RNF114: variants seen among roughly 807,000 people sequenced by gnomAD.
The protein encoded by RNF114 is E3 ubiquitin-protein ligase RNF114.
RNF114 carries 6 observed loss-of-function variants against 28.4 expected under a neutral mutation model. The ratio of observed to expected loss-of-function variants is 0.21; its 90% confidence interval spans 0.12 to 0.42. RNF114 has a LOEUF of 0.42. Among genes scored for constraint, RNF114 ranks in the 10% least tolerant of loss-of-function variants. RNF114 has a pLI of 1.00. For synonymous variants in RNF114, 115 were observed against 116.7 expected, an observed-to-expected ratio of 0.99 and a Z score of 0.09; for missense variants, 249 against 311.7, an observed-to-expected ratio of 0.80 and a Z score of 1.51.
At chr20:49,936,652 C>A in intron 1 of RNF114, 100 bp downstream of exon 1, 3 of 1,414,578 alleles carry the variant, frequency 2.1e-6, no homozygotes, top group African/African-American at 3.0e-5. Flanking sequence ...GAGGACCCAC[C>A]CAGAGGGGCC....
At chr20:49,948,551 C>T (rs1227062386) in intron 4 of RNF114, among the ~76,000 whole-genome samples, 1 of 151,688 alleles carries the variant, frequency 6.6e-6, no homozygotes, top group Non-Finnish European at 1.5e-5. Flanking sequence ...GATTCTCATG[C>T]CTCAGCCTCT....
intron 1 of RNF114, 96 bp downstream of exon 1, chr20:49,936,648 C>A (rs2090287782): frequency 1.4e-6 from 2 of 1,460,468 alleles, no homozygotes; most frequent in Non-Finnish European, 1.8e-6. Flanking sequence ...GCCAGAGGAC[C>A]CACCCAGAGG....
At chr20:49,937,256 G>A (rs774169482) in intron 1 of RNF114, among the ~76,000 whole-genome samples, 2 of 152,204 alleles carry the variant, frequency 1.3e-5, no homozygotes, top group Non-Finnish European at 2.9e-5. Context: ...TTCGAGGTTG[G>A]TCAGGTTGGT....
At chr20:49,947,878 G>A (rs962909219) in intron 4 of RNF114, among the ~76,000 whole-genome samples, 1 of 131,932 alleles carries the variant, frequency 7.6e-6, no homozygotes, top group East Asian at 2.5e-4. Context: ...TGCAAGCTCC[G>A]CCTCCCGGGT....
chr20:49,943,319 ACT>A (rs1327279558), intron 2 of RNF114, among the ~76,000 whole-genome samples: 1 of 152,132 alleles, frequency 6.6e-6, no homozygotes, highest in East Asian at 1.9e-4. Flanking sequence ...ACATAGTGGG[ACT>A]CTGTATATAC....
chr20:49,937,301 C>CA (rs2090291164), intron 1 of RNF114, among the ~76,000 whole-genome samples: 2 of 152,216 alleles, frequency 1.3e-5, no homozygotes, highest in African/African-American at 4.8e-5. Context: ...ATCAGACGCA[C>CA]AAACACATCT....
chr20:49,943,648 CTTCTTT>C (rs2090316111), intron 2 of RNF114, among the ~76,000 whole-genome samples: 1 of 93,060 alleles, frequency 1.1e-5, no homozygotes, highest in Admixed American at 1.4e-4. Flanking sequence ...TCCCTACTGT[CTTCTTT>C]TTTTTTTTTT....
intron 2 of RNF114, among the ~76,000 whole-genome samples, chr20:49,943,583 ATT>A (rs1294836307): frequency 2.7e-5 from 4 of 147,782 alleles, no homozygotes; most frequent in African/African-American, 1.0e-4. Flanking sequence ...ATATTGGAGC[ATT>A]TTTTTCCCCC....
At chr20:49,947,024 A>G (rs1319165648) in intron 4 of RNF114, among the ~76,000 whole-genome samples, 1 of 152,126 alleles carries the variant, frequency 6.6e-6, no homozygotes, top group Admixed American at 6.5e-5. Flanking sequence ...GTTCAAGATC[A>G]GCCTGGCTAA....
Position 49,936,533 on chromosome 20 carries a change from C to G in RNF114, c.121C>G (p.Gln41Glu). 6.3e-7 allele frequency: 1 copy of G among 1,589,688 alleles called. No individual in the cohort carries two copies. Among genetic ancestry groups the G allele is most frequent in the Non-Finnish European group, 8.6e-7 (1 of 1,169,216 alleles). Reference sequence around the variant, plus strand: ...CTTAGAGGTGTACGAGAAGCCGGTACAGGTGCCCTGCGGACACGTGTAAGC... The same window carrying G: ...CTTAGAGGTGTACGAGAAGCCGGTAGAGGTGCCCTGCGGACACGTGTAAGC... ...VCLEVYEKPV[Q>E]VPCGHVFCSA... is the part of the protein sequence containing the mutation. Residue 41 changes from glutamine to glutamate, a missense_variant, in exon 1 of 6, where the codon CAG becomes GAG. By Grantham distance (29) the Gln-to-Glu change is conservative (BLOSUM62 2). Transcript: ENST00000244061.
chr20:49,948,831 C>A lies in RNF114; in HGVS notation c.514-417C>A, dbSNP rs1271902703. Reference sequence around the variant, plus strand: ...TTGTGTGAGGGCTTTTCAGCCTGATCCCCCTCTTCTGAGCATTTCCTTTGT... The same window carrying A: ...TTGTGTGAGGGCTTTTCAGCCTGATACCCCTCTTCTGAGCATTTCCTTTGT... On this transcript the variant is annotated intron_variant, in intron 4 of 5. Coordinates refer to ENST00000244061, the MANE Select transcript of RNF114 (RefSeq NM_018683.4). Among the ~76,000 whole-genome samples the A allele has an allele frequency of 2.0e-5, 3 of 152,174 alleles. No homozygotes were observed. The South Asian group carries it at 6.2e-4, about 32-fold the overall frequency.
At chr20:49,945,242 C>A in intron 2 of RNF114, 140 bp from the exon 3 acceptor site, 1 of 597,902 alleles carries the variant, frequency 1.7e-6, no homozygotes, top group East Asian at 2.9e-5. Context: ...GTTTCAGCCC[C>A]ATCAGCGTAG....
At chr20:49,951,722 A>T (rs1197877188) in intron 5 of RNF114, among the ~76,000 whole-genome samples, 1 of 152,206 alleles carries the variant, frequency 6.6e-6, no homozygotes, top group Non-Finnish European at 1.5e-5. Flanking sequence ...TACTAAAAAC[A>T]TAAAAATTAG....
At chr20:49,948,756 C>G (rs903952103) in intron 4 of RNF114, among the ~76,000 whole-genome samples, 2 of 152,140 alleles carry the variant, frequency 1.3e-5, no homozygotes, top group Non-Finnish European at 2.9e-5. Context: ...CTTTCATGTC[C>G]TCTTTGCCTT....
intron 5 of RNF114, 65 bp from the exon 6 acceptor site, chr20:49,952,011 T>TCCAGTTGCTAGGCTGTCCTGCTTCC: frequency 7.8e-7 from 1 of 1,286,044 alleles, no homozygotes; most frequent in Non-Finnish European, 1.1e-6. Flanking sequence ...GTCCTGCTTC[T>TCCAGTTGCTAGGCTGTCCTGCTTCC]ACTGAAAGCC....
intron 1 of RNF114, among the ~76,000 whole-genome samples, chr20:49,939,338 T>G (rs1451714463): frequency 6.6e-6 from 1 of 152,204 alleles, no homozygotes; most frequent in Non-Finnish European, 1.5e-5. Flanking sequence ...GTCTGGAATT[T>G]TGCCTAACAG....
intron 5 of RNF114, among the ~76,000 whole-genome samples, chr20:49,950,460 C>T (rs563792103): frequency 1.3e-5 from 2 of 151,448 alleles, no homozygotes; most frequent in Non-Finnish European, 2.9e-5. Flanking sequence ...GCAGGTGGAT[C>T]GCTTGAGCTC....
intron 5 of RNF114, 54 bp downstream of exon 5, chr20:49,949,409 T>C (rs1433495404): frequency 4.9e-6 from 7 of 1,436,420 alleles, no homozygotes; most frequent in Non-Finnish European, 5.9e-6. Context: ...GCACGGCTAC[T>C]TCACTCTTCT....
intron 1 of RNF114, 81 bp downstream of exon 1, chr20:49,936,633 C>T (rs1374806164): frequency 3.3e-6 from 5 of 1,501,034 alleles, no homozygotes; most frequent in African/African-American, 2.9e-5. Context: ...GGTCTCAGGG[C>T]GGGAGCCAGA....
Sources: gnomAD v4.1 joint callset for allele counts (sites outside exome capture counted in the v4.1 genomes callset) on GRCh38, gnomAD v4.1.1 for gene constraint, MANE v1.5 for transcripts, NCBI Gene and HGNC (gene_info 2026-07-23, HGNC 2026-07-21) for gene names.